Variants in NKD1 observed in about 807,000 individuals in gnomAD.
The protein encoded by NKD1 is NKD inhibitor of Wnt signaling pathway 1.
Under a neutral mutation model 56.0 loss-of-function variants are expected in NKD1, and 21 were observed. The observed-to-expected ratio is 0.38, with a 90% CI of 0.27 to 0.54. The LOEUF (loss-of-function observed/expected upper bound fraction) is 0.54, where lower values mean the gene tolerates loss of function less well. Ranked by LOEUF, NKD1 falls within the 20% of genes least tolerant of loss-of-function variation. NKD1 has a pLI of 0.82. For missense variants in NKD1, 578 were observed against 642.7 expected (o/e 0.90, Z 1.09); for synonymous variants, 263 against 265.7 (o/e 0.99, Z 0.10).
chr16:50,630,653 G>GGCTA (rs1008769509), intron 7 of NKD1, among the ~76,000 whole-genome samples, 173 bp from the exon 8 acceptor site: 8 of 152,146 alleles, frequency 5.3e-5, no homozygotes, highest in Non-Finnish European at 8.8e-5. Context: ...GAGGAGGTGA[G>GGCTA]GCTAGATGGG....
At chr16:50,613,950 G>C (rs895119382) in intron 4 of NKD1, among the ~76,000 whole-genome samples, 5 of 152,102 alleles carry the variant, frequency 3.3e-5, no homozygotes, top group Non-Finnish European at 7.4e-5. Context: ...TTGTTGAGAA[G>C]GATTTCCTCC....
intron 3 of NKD1, among the ~76,000 whole-genome samples, chr16:50,563,788 G>T (rs369229833): frequency 1.4e-5 from 2 of 138,534 alleles, no homozygotes; most frequent in East Asian, 4.4e-4. Context: ...AGCCCTGGAT[G>T]CATGGAGAAG....
At chr16:50,574,144 G>C in intron 3 of NKD1, 1 of 924,026 alleles carries the variant, frequency 1.1e-6, no homozygotes, top group Non-Finnish European at 1.3e-6. Flanking sequence ...GATAGAACTT[G>C]ATGCTGGATC....
intron 4 of NKD1, among the ~76,000 whole-genome samples, chr16:50,610,638 C>A (rs943785207): frequency 6.6e-6 from 1 of 152,192 alleles, no homozygotes; most frequent in South Asian, 2.1e-4. Flanking sequence ...TCTTGGCGGG[C>A]TGGAGAGCTG....
chr16:50,627,880 A>C (rs1962258193), intron 6 of NKD1, among the ~76,000 whole-genome samples: 1 of 152,080 alleles, frequency 6.6e-6, no homozygotes, highest in Non-Finnish European at 1.5e-5. Context: ...AAGGTATCAG[A>C]AGTTTGGGGG....
rs367627201 is a variant in NKD1 at position 50,549,409 on chromosome 16, G to A, written c.59-13G>A. On this transcript the variant is annotated splice_polypyrimidine_tract_variant and intron_variant, in intron 2 of 9. Coordinates refer to ENST00000268459, the MANE Select transcript of NKD1 (RefSeq NM_033119.5). ...GAGCCAGACTCAGGGGCTTCATGTC[G>A]TCCCCGTCCCAGGTGACAGCTTCGC... The A allele has an allele frequency of 6.2e-7, 1 of 1,609,200 alleles. No individual in the cohort carries two copies. Among genetic ancestry groups the A allele is most frequent in the South Asian group, 1.1e-5 (1 of 90,884 alleles).
In NKD1 at chr16:50,642,668, C is replaced by T. The variant is rs1173414140; in HGVS notation, c.*8887C>T. 6.6e-6 allele frequency: 1 copy of T among 152,166 alleles called. No individual in the cohort carries two copies. The highest frequency in any genetic ancestry group is 2.4e-5 in the African/African-American group (1 of 41,398). 9.4% of individuals were successfully genotyped at this position (152,166 alleles called of 1,614,324 possible). The stretch of plus-strand genomic sequence containing the variant: ...CAGAGCCTGGCACGTAATAGGCCCT[C>T]GATAAGTAAAACAGCAACAGTAGCT... On this transcript the variant is annotated 3_prime_UTR_variant, in exon 10 of 10. Coordinates refer to ENST00000268459, the MANE Select transcript of NKD1 (RefSeq NM_033119.5).
chr16:50,586,544 G>A (rs997096545), intron 3 of NKD1, among the ~76,000 whole-genome samples: 1 of 152,136 alleles, frequency 6.6e-6, no homozygotes, highest in Non-Finnish European at 1.5e-5. Context: ...CTTCTGTTCC[G>A]ACTTTTGAGA....
chr16:50,619,042 T>C (rs1367042100), intron 4 of NKD1, among the ~76,000 whole-genome samples: 2 of 152,142 alleles, frequency 1.3e-5, no homozygotes, highest in East Asian at 1.9e-4. Context: ...AAAGGCAACA[T>C]TGAACCTGAA....
intron 3 of NKD1, among the ~76,000 whole-genome samples, chr16:50,567,119 A>G (rs2192849): frequency 6.6e-6 from 1 of 151,646 alleles, no homozygotes; most frequent in Non-Finnish European, 1.5e-5. Context: ...ACTTGGGTTT[A>G]TACTGAACCG....
chr16:50,565,421 G>C (rs1007908352), intron 3 of NKD1, among the ~76,000 whole-genome samples: 1 of 151,790 alleles, frequency 6.6e-6, no homozygotes, highest in Non-Finnish European at 1.5e-5. Flanking sequence ...GCTCATGCTT[G>C]TAATCACAGC....
intron 5 of NKD1, among the ~76,000 whole-genome samples, chr16:50,622,325 G>T (rs1962111324): frequency 6.6e-6 from 1 of 152,174 alleles, no homozygotes; most frequent in South Asian, 2.1e-4. Flanking sequence ...TTTGGGGTGA[G>T]AAGGGGACAG....
intron 3 of NKD1, among the ~76,000 whole-genome samples, chr16:50,603,086 G>A (rs536323840): frequency 3.9e-5 from 6 of 152,350 alleles, no homozygotes; most frequent in East Asian, 3.9e-4. Flanking sequence ...TTCCAGCTTC[G>A]CATCAGACAC....
chr16:50,571,871 T>G (rs369841873), intron 3 of NKD1, among the ~76,000 whole-genome samples: 31 of 152,282 alleles, frequency 2.0e-4, no homozygotes, highest in East Asian at 1.9e-3. Context: ...GAGGAACATC[T>G]AAATTCCTTC....
chr16:50,622,158 C>T (rs1011861935), intron 5 of NKD1, among the ~76,000 whole-genome samples: 3 of 152,192 alleles, frequency 2.0e-5, no homozygotes, highest in African/African-American at 4.8e-5. Context: ...GCCTGAGTTT[C>T]CCCATGTGGG....
intron 3 of NKD1, among the ~76,000 whole-genome samples, chr16:50,601,136 G>A (rs1026150522): frequency 4.6e-5 from 7 of 152,350 alleles, no homozygotes; most frequent in South Asian, 2.1e-4. Flanking sequence ...CTCAGCCTCC[G>A]CAGCTCTGAG....
chr16:50,579,741 T>G (rs1961075334), intron 3 of NKD1, among the ~76,000 whole-genome samples: 1 of 151,222 alleles, frequency 6.6e-6, no homozygotes, highest in Non-Finnish European at 1.5e-5. Context: ...CCGCCACGCA[T>G]GCACTGTCTT....
Position 50,641,804 on chromosome 16 carries a change from G to T in NKD1, c.*8023G>T. The T allele has an allele frequency of 6.6e-6, 1 of 152,532 alleles. No homozygotes were observed. Among genetic ancestry groups the T allele is most frequent in the Non-Finnish European group, 1.5e-5 (1 of 68,246 alleles). 9.4% of individuals were successfully genotyped at this position (152,532 alleles called of 1,614,324 possible). A position where few individuals can be genotyped will look rare whatever the true frequency, so the allele number is the denominator to read the frequency against. Reference sequence around the variant, plus strand: ...GAGGACTTTCATGGGGAAGTCTTTGGGGCAGTCCTGGAGACCCTCACAATG... The same window carrying T: ...GAGGACTTTCATGGGGAAGTCTTTGTGGCAGTCCTGGAGACCCTCACAATG... On this transcript the variant is annotated 3_prime_UTR_variant, in exon 10 of 10. Transcript: ENST00000268459.
At chr16:50,574,077 T>C in intron 3 of NKD1, 1 of 828,416 alleles carries the variant, frequency 1.2e-6, no homozygotes, top group Non-Finnish European at 1.5e-6. Flanking sequence ...TTACAGATGG[T>C]AAAACTGAGG....
Sources: allele counts gnomAD v4.1 joint callset (sites outside exome capture counted in the v4.1 genomes callset), GRCh38; gene constraint gnomAD v4.1.1; transcripts MANE v1.5; gene names NCBI Gene and HGNC (gene_info 2026-07-23, HGNC 2026-07-21).